The following INTU variants were observed in gnomAD, a reference collection of about 807,000 sequenced individuals.
The protein encoded by INTU is inturned planar cell polarity protein, also known as protein inturned.
In INTU, 68 loss-of-function variants were observed where a neutral mutation model predicts 100.5. The ratio of observed to expected loss-of-function variants is 0.68; its 90% CI spans 0.56 to 0.83. The LOEUF (loss-of-function observed/expected upper bound fraction) is 0.83. Ranked by LOEUF, INTU falls within the 40% of genes least tolerant of loss-of-function variation. The pLI is 0.00. For missense variants in INTU, 1,071 were observed against 1,114.7 expected (o/e 0.96, Z 0.56); for synonymous variants, 357 against 395.7 (o/e 0.90, Z 1.16).
At chr4:127,642,422 T>C (rs1727375180) in intron 1 of INTU, among the ~76,000 whole-genome samples, 1 of 152,158 alleles carries the variant, frequency 6.6e-6, no homozygotes, top group Admixed American at 6.6e-5. Flanking sequence ...TTGAGTTGAG[T>C]AATAGAATAG....
chr4:127,719,675 A>G lies in INTU; in HGVS notation c.*3239A>G, dbSNP rs1731317424. 6.6e-6 allele frequency: 1 copy of G among 152,110 alleles called. No homozygotes were observed. The highest frequency in any genetic ancestry group is 1.5e-5 in the Non-Finnish European group (1 of 68,028). 9.4% of individuals were successfully genotyped at this position (152,110 alleles called of 1,614,324 possible). ...CAATTTCAGAACTTGTTATTGGTCT[A>G]TTCAGTGATTCAACTTCTTCCTGGT... is the stretch of plus-strand genomic sequence containing the variant. On this transcript the variant is annotated 3_prime_UTR_variant, in exon 16 of 16. Transcript: ENST00000335251.
Position 127,663,413 on chromosome 4 carries a change from G to C in INTU, c.801G>C (p.Val267=), listed in dbSNP as rs949834140. 6.2e-7 allele frequency: 1 copy of C among 1,613,024 alleles called. No homozygotes were observed. Among genetic ancestry groups the C allele is most frequent in the South Asian group, 1.1e-5 (1 of 91,042 alleles). Residue 267 remains valine, a synonymous_variant, in exon 4 of 16, where the codon GTG becomes GTC. Transcript: ENST00000335251. The part of the protein sequence containing the change: ...VKLTFENAYD[V]KRETSHPRQK... ...TGACATTTGAAAATGCATATGATGT[G>C]AAAAGGGAGACGTCCCATCCAAGAC... is the stretch of plus-strand genomic sequence containing the variant.
chr4:127,676,532 G>A (rs6828511), intron 6 of INTU, among the ~76,000 whole-genome samples: 66,934 of 150,172 alleles, frequency 0.45, 15,661 homozygotes, highest in Middle Eastern at 0.66. Context: ...GTTGCAGTTA[G>A]CTGTGATGCT....
In INTU at chr4:127,713,933, C is replaced by A; in HGVS notation, c.2560-3C>A. 1 of 1,583,520 alleles carries A rather than the reference C, an allele frequency of 6.3e-7. No homozygotes were observed. Among genetic ancestry groups the A allele is most frequent in the East Asian group, 2.2e-5 (1 of 44,532 alleles). ...AATACTAACAATACCTATTAATTTA[C>A]AGAAAAAGAAAGGACTAAATAGTGG... On this transcript the variant is annotated splice_region_variant and splice_polypyrimidine_tract_variant and intron_variant, in intron 14 of 15. Transcript: ENST00000335251.
intron 2 of INTU, among the ~76,000 whole-genome samples, chr4:127,644,976 C>A (rs754918825): frequency 2.6e-5 from 4 of 152,102 alleles, no homozygotes; most frequent in South Asian, 2.1e-4. Flanking sequence ...CCAATTATTT[C>A]TTGAAAGGAG....
At chr4:127,653,015 GT>G (rs1727974584) in intron 2 of INTU, among the ~76,000 whole-genome samples, 1 of 151,510 alleles carries the variant, frequency 6.6e-6, no homozygotes, top group African/African-American at 2.4e-5. Context: ...GCGTAGAGGT[GT>G]TTGTAGTATT....
chr4:127,635,403 A>C (rs1727025373), intron 1 of INTU, among the ~76,000 whole-genome samples: 1 of 152,196 alleles, frequency 6.6e-6, no homozygotes, highest in African/African-American at 2.4e-5. Flanking sequence ...ATTCACCTGC[A>C]ACAATGCCAA....
chr4:127,710,815 A>G, intron 13 of INTU, 98 bp from the exon 14 acceptor site: 1 of 648,284 alleles, frequency 1.5e-6, no homozygotes, highest in Non-Finnish European at 2.4e-6. Flanking sequence ...TATTGTAGAT[A>G]AAAGCTTATA....
chr4:127,634,675 C>A (rs913266163), intron 1 of INTU, among the ~76,000 whole-genome samples: 1 of 152,150 alleles, frequency 6.6e-6, no homozygotes, highest in East Asian at 1.9e-4. Flanking sequence ...GCCACATGTT[C>A]TAGTGTCTTT....
At chr4:127,691,110 T>C (rs1730101674) in intron 8 of INTU, among the ~76,000 whole-genome samples, 1 of 152,206 alleles carries the variant, frequency 6.6e-6, no homozygotes, top group Non-Finnish European at 1.5e-5. Flanking sequence ...TCATATGGTA[T>C]GTAGTCTTTT....
chr4:127,640,548 T>C (rs1727270151), intron 1 of INTU, among the ~76,000 whole-genome samples: 3 of 9,292 alleles, frequency 3.2e-4, no homozygotes, highest in East Asian at 2.8e-3. Flanking sequence ...GATACATATA[T>C]ATATATATAT....
At chr4:127,688,971 C>CTTTT (rs763570146) in intron 8 of INTU, among the ~76,000 whole-genome samples, 33 of 88,008 alleles carry the variant, frequency 3.7e-4, no homozygotes, top group African/African-American at 7.0e-4. Flanking sequence ...TTCTTTCTTT[C>CTTTT]TTTTTTTTTT....
chr4:127,711,097 G>A lies in INTU; in HGVS notation c.2554G>A (p.Glu852Lys), dbSNP rs1731078190. The A allele has an allele frequency of 1.9e-6, 3 of 1,585,072 alleles. No individual in the cohort carries two copies. The highest frequency in any genetic ancestry group is 2.6e-6 in the Non-Finnish European group (3 of 1,158,754). The change falls in exon 14 of 16, where the codon GAA becomes AAA. Residue 852 changes from glutamate to lysine, a missense_variant. By Grantham distance (56) the Glu-to-Lys change is moderately conservative. Coordinates refer to ENST00000335251, the MANE Select transcript of INTU (RefSeq NM_015693.4). Reference sequence around the variant, plus strand: ...TGCAGTTTTCCAACAGACATTGGTGGAAGAGGTAGGGCACTGCTATAAATA... The same window carrying A: ...TGCAGTTTTCCAACAGACATTGGTGAAAGAGGTAGGGCACTGCTATAAATA... Reference protein sequence around the residue: ...IRAVFQQTLVEEKKKGLNSGD... With the variant: ...IRAVFQQTLVKEKKKGLNSGD...
chr4:127,637,369 A>G (rs1727118874), intron 1 of INTU, among the ~76,000 whole-genome samples: 2 of 152,228 alleles, frequency 1.3e-5, no homozygotes, highest in African/African-American at 2.4e-5. Flanking sequence ...TTTAAATTTT[A>G]GATCTGTCCC....
Position 127,716,456 on chromosome 4 carries a change from A to T in INTU, c.*20A>T. On this transcript the variant is annotated 3_prime_UTR_variant, in exon 16 of 16. Coordinates refer to ENST00000335251, the MANE Select transcript of INTU (RefSeq NM_015693.4). Reference sequence around the variant, plus strand: ...TTGTAGCTGTGCTTTCTTGATGCGTAGAAACACGTGCATGGAGGATCAAAC... The same window carrying T: ...TTGTAGCTGTGCTTTCTTGATGCGTTGAAACACGTGCATGGAGGATCAAAC... 1 of 1,192,640 alleles carries T rather than the reference A, an allele frequency of 8.4e-7. No individual in the cohort carries two copies. The highest frequency in any genetic ancestry group is 1.2e-6 in the Non-Finnish European group (1 of 827,700). 73.9% of individuals were successfully genotyped at this position (1,192,640 alleles called of 1,614,324 possible). A position where few individuals can be genotyped will look rare whatever the true frequency, so the allele number is the denominator to read the frequency against.
At chr4:127,652,814 A>C (rs1298892378) in intron 2 of INTU, among the ~76,000 whole-genome samples, 2 of 132,322 alleles carry the variant, frequency 1.5e-5, no homozygotes, top group African/African-American at 6.0e-5. Flanking sequence ...TCCTCCTTGT[A>C]CCTCTGGTAG....
At chr4:127,649,560 C>CT (rs1260697973) in intron 2 of INTU, among the ~76,000 whole-genome samples, 1 of 151,706 alleles carries the variant, frequency 6.6e-6, no homozygotes, top group Non-Finnish European at 1.5e-5. Context: ...CATCCCAAAT[C>CT]TGACAATCCT....
rs1329732260 is a variant in INTU at position 127,717,412 on chromosome 4, A to T, written c.*976A>T. The T allele has an allele frequency of 6.6e-6, 1 of 152,092 alleles. No individual in the cohort carries two copies. Among genetic ancestry groups the T allele is most frequent in the African/African-American group, 2.4e-5 (1 of 41,396 alleles). The allele number at this position is 152,092 out of a possible 1,614,324, so 9.4% of individuals were successfully genotyped here. A position where few individuals can be genotyped will look rare whatever the true frequency, so the allele number is the denominator to read the frequency against. ...GCTGATGGGCATTTGGGTTGATTCCATGTCTTTGCTATTGTAAATAGTGCT... is the reference window on the plus strand; with the variant it reads ...GCTGATGGGCATTTGGGTTGATTCCTTGTCTTTGCTATTGTAAATAGTGCT... On this transcript the variant is annotated 3_prime_UTR_variant, in exon 16 of 16. Transcript: ENST00000335251.
rs748807457 is a variant in INTU at position 127,716,464 on chromosome 4, G to A, written c.*28G>A. The A allele has an allele frequency of 1.1e-5, 12 of 1,044,648 alleles. No homozygotes were observed. Among genetic ancestry groups the A allele is most frequent in the Non-Finnish European group, 1.5e-5 (11 of 710,684 alleles). 64.7% of individuals were successfully genotyped at this position (1,044,648 alleles called of 1,614,324 possible). A position where few individuals can be genotyped will look rare whatever the true frequency, so the allele number is the denominator to read the frequency against. Reference sequence around the variant, plus strand: ...GTGCTTTCTTGATGCGTAGAAACACGTGCATGGAGGATCAAACACTGTCAG... The same window carrying A: ...GTGCTTTCTTGATGCGTAGAAACACATGCATGGAGGATCAAACACTGTCAG... On this transcript the variant is annotated 3_prime_UTR_variant, in exon 16 of 16. Transcript: ENST00000335251.
Sources: allele counts gnomAD v4.1 joint callset (sites outside exome capture counted in the v4.1 genomes callset), GRCh38; gene constraint gnomAD v4.1.1; transcripts MANE v1.5; gene names NCBI Gene and HGNC (gene_info 2026-07-23, HGNC 2026-07-21).